Variants in DBF4 observed in about 807,000 individuals in gnomAD.
DBF4 encodes the protein protein DBF4 homolog A.
DBF4 carries 25 observed loss-of-function variants against 76.6 expected under a neutral mutation model. That is an observed-to-expected ratio of 0.33 (90% CI 0.24 to 0.46). The LOEUF (loss-of-function observed/expected upper bound fraction) is 0.46, where lower values mean the gene tolerates loss of function less well. Among genes scored for constraint, DBF4 ranks in the 20% least tolerant of loss-of-function variants. The pLI is 1.00. For missense variants in DBF4, 638 were observed against 760.8 expected (o/e 0.84, Z 1.90); for synonymous variants, 213 against 258.0 (o/e 0.83, Z 1.67).
rs560719038 is a variant in DBF4, at chr7:87,908,906, C to T, written c.*743C>T. ...ACCATCCTGGCCAACATGGTGAAAC[C>T]TTGTCTACTAAAAATACAAAAAATT... On this transcript the variant is annotated 3_prime_UTR_variant, in exon 12 of 12. Transcript: ENST00000265728. 3.3e-5 allele frequency: 5 copies of T among 152,320 alleles called. No individual in the cohort carries two copies. The highest frequency in any genetic ancestry group is 1.2e-4 in the African/African-American group (5 of 41,552). The allele number at this position is 152,320 out of a possible 1,614,324, so 9.4% of individuals were successfully genotyped here. A position where few individuals can be genotyped will look rare whatever the true frequency, so the allele number is the denominator to read the frequency against.
In DBF4 at chr7:87,904,406, A is replaced by G; in HGVS notation, c.1039A>G (p.Lys347Glu). 6.2e-7 allele frequency: 1 copy of G among 1,611,654 alleles called. No individual in the cohort carries two copies. The highest frequency in any genetic ancestry group is 1.7e-4 in the Middle Eastern group (1 of 6,038). The change falls in exon 11 of 12, where the codon AAA becomes GAA. Residue 347 changes from lysine (K) to glutamate (E), a missense_variant. Transcript: ENST00000265728. Reference protein sequence around the residue: ...DFVEYEKDTPKKKRIKYSVGS... With the variant: ...DFVEYEKDTPEKKRIKYSVGS... The stretch of plus-strand genomic sequence containing the variant: ...TGTGGAATATGAAAAGGACACACCT[A>G]AAAAGAAAAGGTAATTAGTTTTATC...
intron 1 of DBF4, 129 bp downstream of exon 1, chr7:87,876,907 A>G (rs992448013): frequency 2.0e-6 from 2 of 979,448 alleles, no homozygotes; most frequent in South Asian, 2.9e-5. Context: ...CTGGGGTCTG[A>G]AGGAAGGAGC....
chr7:87,891,790 A>T (rs1200100988), intron 6 of DBF4, among the ~76,000 whole-genome samples: 3 of 151,694 alleles, frequency 2.0e-5, no homozygotes, highest in Admixed American at 2.0e-4. Flanking sequence ...TTCTGCTCTT[A>T]TTTCTTTTCT....
rs763746159 is a variant in DBF4 at position 87,900,915 on chromosome 7, A to C, written c.924+37A>C. Reference sequence around the variant, plus strand: ...TTTATATTTTGGGGGCTTGTTTCGAAAACTGTAATACTTGTGTTTTAAATT... The same window carrying C: ...TTTATATTTTGGGGGCTTGTTTCGACAACTGTAATACTTGTGTTTTAAATT... On this transcript the variant is annotated intron_variant, in intron 10 of 11. Coordinates refer to ENST00000265728, the MANE Select transcript of DBF4 (RefSeq NM_006716.4). 7.3e-6 allele frequency: 11 copies of C among 1,505,494 alleles called. No homozygotes were observed. The South Asian group carries it at 1.3e-4, about 17-fold the overall frequency. 93.3% of individuals were successfully genotyped at this position (1,505,494 alleles called of 1,614,324 possible). A position where few individuals can be genotyped will look rare whatever the true frequency, so the allele number is the denominator to read the frequency against.
chr7:87,887,415 T>C lies in DBF4; in HGVS notation c.520+17T>C, dbSNP rs1284833362. ...ATATTGATGGTAAGGATTTTATAAT[T>C]GTTTTTTGACAGTATTTGTTTTAAG... On this transcript the variant is annotated intron_variant, in intron 5 of 11. Coordinates refer to ENST00000265728, the MANE Select transcript of DBF4 (RefSeq NM_006716.4). 3 of 1,556,392 alleles carry C rather than the reference T, an allele frequency of 1.9e-6. No homozygotes were observed. The highest frequency in any genetic ancestry group is 2.6e-6 in the Non-Finnish European group (3 of 1,144,608).
intron 11 of DBF4, among the ~76,000 whole-genome samples, chr7:87,904,947 T>A (rs1408393913): frequency 2.0e-5 from 3 of 152,170 alleles, no homozygotes. Context: ...AACTTTTCCT[T>A]TTTTAAATTT....
chr7:87,904,355 A>G lies in DBF4; in HGVS notation c.988A>G (p.Ile330Val), dbSNP rs1396002459. Residue 330 changes from isoleucine to valine, a missense_variant, in exon 11 of 12, where the codon ATT becomes GTT. Physicochemically the swap from Ile to Val is conservative, Grantham distance 29. Transcript: ENST00000265728. Reference sequence around the variant, plus strand: ...TAACCAGTATCAAGTTGTTGATGATATTGTATCTAAGTTAGTTTTTGACTT... The same window carrying G: ...TAACCAGTATCAAGTTGTTGATGATGTTGTATCTAAGTTAGTTTTTGACTT... ...QSNQYQVVDD[I>V]VSKLVFDFVE... The G allele has an allele frequency of 1.9e-6, 3 of 1,613,764 alleles. No individual in the cohort carries two copies. The highest frequency in any genetic ancestry group is 1.3e-5 in the African/African-American group (1 of 74,934).
rs373921808 is a variant in DBF4, at chr7:87,886,925, A to G, written c.450+31A>G. On this transcript the variant is annotated intron_variant, in intron 4 of 11. Transcript: ENST00000265728. Reference sequence around the variant, plus strand: ...TAGGAACTATAAAGATTCACATTGTACATTTTGTTATTAAAAACTCAACTG... The same window carrying G: ...TAGGAACTATAAAGATTCACATTGTGCATTTTGTTATTAAAAACTCAACTG... 19 of 1,388,332 alleles carry G rather than the reference A, an allele frequency of 1.4e-5. No homozygotes were observed. In the African/African-American group the frequency reaches 2.1e-4, roughly 15 times the overall value. The allele number at this position is 1,388,332 out of a possible 1,614,324, so 86.0% of individuals were successfully genotyped here.
Position 87,900,287 on chromosome 7 carries a change from C to T in DBF4, c.747C>T (p.Pro249=), listed in dbSNP as rs895126260. Residue 249 remains proline (P), a synonymous_variant, in exon 9 of 12, where the codon CCC becomes CCT. Transcript: ENST00000265728. ...MPFINYSIQK[P]CSPFDVDKPS... ...TTATAAATTATTCTATTCAGAAGCC[C>T]TGCAGTCCATTTGATGTAGACAAGC... 5.6e-6 allele frequency: 9 copies of T among 1,604,538 alleles called. No homozygotes were observed. The African/African-American group carries it at 9.6e-5, about 17-fold the overall frequency.
intron 6 of DBF4, 66 bp from the exon 7 acceptor site, chr7:87,896,408 G>A: frequency 8.2e-7 from 1 of 1,212,732 alleles, no homozygotes; most frequent in South Asian, 1.3e-5. Flanking sequence ...AAGATACTGA[G>A]CAATTGCAGT....
intron 6 of DBF4, among the ~76,000 whole-genome samples, chr7:87,890,312 G>A (rs1839451984): frequency 6.6e-6 from 1 of 152,182 alleles, no homozygotes. Flanking sequence ...GCCAAGGTGG[G>A]CAGATCACAC....
intron 10 of DBF4, among the ~76,000 whole-genome samples, chr7:87,904,037 A>G (rs1282913539): frequency 6.6e-6 from 1 of 152,126 alleles, no homozygotes; most frequent in Non-Finnish European, 1.5e-5. Context: ...TTTCAGTTCC[A>G]TTGTAACTAC....
intron 7 of DBF4, 53 bp from the exon 8 acceptor site, chr7:87,897,241 A>AAAG: frequency 6.5e-7 from 1 of 1,550,198 alleles, no homozygotes; most frequent in African/African-American, 1.4e-5. Flanking sequence ...TTATTAAAAA[A>AAAG]AAAAAAGAAT....
At position 87,878,751 on chromosome 7, in the gene DBF4, A is replaced by G. The variant is rs544215958; in HGVS notation, c.219+526A>G. ...TATACACTGATTAGATGATTGGGAA[A>G]TTAGAAAACTCAGGCAAAATTCTAG... is the stretch of plus-strand genomic sequence containing the variant. On this transcript the variant is annotated intron_variant, in intron 2 of 11. Transcript: ENST00000265728. Among the ~76,000 whole-genome samples, 28 of 152,330 alleles carry G rather than the reference A, an allele frequency of 1.8e-4. No individual in the cohort carries two copies. In the South Asian group the frequency reaches 5.8e-3, roughly 32 times the overall value.
At chr7:87,895,566 A>C (rs1839612365) in intron 6 of DBF4, among the ~76,000 whole-genome samples, 1 of 152,050 alleles carries the variant, frequency 6.6e-6, no homozygotes, top group Non-Finnish European at 1.5e-5. Context: ...GGGTGGATCT[A>C]ATCTCAGTTT....
chr7:87,887,479 G>A (rs1247073479), intron 5 of DBF4, 81 bp downstream of exon 5: 1 of 1,420,836 alleles, frequency 7.0e-7, no homozygotes, highest in Non-Finnish European at 9.4e-7. Flanking sequence ...TTTACATAGT[G>A]AAATTTTGAT....
intron 1 of DBF4, among the ~76,000 whole-genome samples, chr7:87,877,000 A>G (rs1413851509): frequency 6.6e-6 from 1 of 152,126 alleles, no homozygotes; most frequent in Non-Finnish European, 1.5e-5. Context: ...GCGGTCCCAG[A>G]TTGATTCCCG....
chr7:87,897,255 G>C, intron 7 of DBF4, 39 bp from the exon 8 acceptor site: 1 of 1,529,180 alleles, frequency 6.5e-7, no homozygotes, highest in Non-Finnish European at 8.8e-7. Context: ...AAAGAATCCT[G>C]AATTTGCAAG....
chr7:87,896,588 C>A, intron 7 of DBF4, 78 bp downstream of exon 7: 2 of 1,261,688 alleles, frequency 1.6e-6, no homozygotes, highest in African/African-American at 3.0e-5. Context: ...TCATATAAAC[C>A]ACCCTCTAAA....
Sources: gnomAD v4.1 joint callset for allele counts (sites outside exome capture counted in the v4.1 genomes callset) on GRCh38, gnomAD v4.1.1 for gene constraint, MANE v1.5 for transcripts, NCBI Gene and HGNC (gene_info 2026-07-23, HGNC 2026-07-21) for gene names.